ZFHX3: variants seen among roughly 807,000 people sequenced by gnomAD.
The protein encoded by ZFHX3 is zinc finger homeobox 3, also known as zinc finger homeobox protein 3.
A neutral mutation model predicts 279.1 loss-of-function variants in ZFHX3; 42 were observed. The observed-to-expected ratio is 0.15, with a 90% CI of 0.12 to 0.19. The LOEUF is 0.19. Among genes scored for constraint, ZFHX3 ranks in the 10% least tolerant of loss-of-function variants. The pLI is 1.00. For synonymous variants in ZFHX3, 2,293 were observed against 1,957.8 expected (o/e 1.17, Z -4.52); for missense variants, 4,981 against 4,754.0 (o/e 1.05, Z -1.40).
At position 73,508,633 on chromosome 16, in the gene ZFHX3, A is replaced by G. The variant is rs539479855; in HGVS notation, c.-1546-52375T>C. 3.3e-5 allele frequency among the ~76,000 whole-genome samples: 5 copies of G among 152,318 alleles called. No individual in the cohort carries two copies. The East Asian group carries it at 7.7e-4, about 23-fold the overall frequency. On this transcript the variant is annotated intron_variant, in intron 2 of 17. Transcript: ENST00000641206. ...TTTGGACAACTCTGAATCATACTCA[A>G]TTGATTCTCCATCATCCAACAAGCC...
intron 6 of ZFHX3, among the ~76,000 whole-genome samples, chr16:73,138,583 C>A (rs1354902018): frequency 6.6e-6 from 1 of 152,186 alleles, no homozygotes; most frequent in Non-Finnish European, 1.5e-5. Flanking sequence ...CTCTTACCCT[C>A]CACTCCCCAT....
chr16:73,649,367 T>C (rs900824810), intron 2 of ZFHX3, among the ~76,000 whole-genome samples: 4 of 152,204 alleles, frequency 2.6e-5, no homozygotes, highest in Non-Finnish European at 5.9e-5. Context: ...CATTAAGGCA[T>C]GTGATACAGT....
intron 1 of ZFHX3, among the ~76,000 whole-genome samples, chr16:73,735,236 A>C (rs1275916427): frequency 1.3e-5 from 2 of 152,154 alleles, no homozygotes; most frequent in Non-Finnish European, 2.9e-5. Context: ...TTGGAATGAA[A>C]TCTTGTGAAG....
intron 5 of ZFHX3, among the ~76,000 whole-genome samples, chr16:73,218,534 C>T (rs911860786): frequency 1.3e-5 from 2 of 152,072 alleles, no homozygotes; most frequent in Non-Finnish European, 2.9e-5. Flanking sequence ...TTTGGGAGGC[C>T]GAGGCAGGCA....
intron 4 of ZFHX3, among the ~76,000 whole-genome samples, chr16:72,877,982 G>A (rs570701277): frequency 6.6e-6 from 1 of 151,990 alleles, no homozygotes; most frequent in African/African-American, 2.4e-5. Flanking sequence ...ATCACTTGAG[G>A]CCAGGAGTTC....
intron 5 of ZFHX3, among the ~76,000 whole-genome samples, chr16:72,815,680 C>A (rs2036584240): frequency 6.6e-6 from 1 of 152,158 alleles, no homozygotes; most frequent in Non-Finnish European, 1.5e-5. Context: ...AGACATGTCA[C>A]AATATACAAA....
chr16:72,957,100 G>A (rs894663351), intron 2 of ZFHX3, among the ~76,000 whole-genome samples: 2 of 152,148 alleles, frequency 1.3e-5, no homozygotes, highest in Non-Finnish European at 2.9e-5. Context: ...AAAGTTTTAG[G>A]TGATTATAGT....
chr16:73,250,205 C>T (rs746638852), intron 5 of ZFHX3, among the ~76,000 whole-genome samples: 20 of 152,214 alleles, frequency 1.3e-4, no homozygotes, highest in Admixed American at 5.2e-4. Flanking sequence ...AATGTATCCC[C>T]TGAGTACTAA....
chr16:73,765,032 A>G (rs1410398105), intron 1 of ZFHX3, among the ~76,000 whole-genome samples: 4 of 152,170 alleles, frequency 2.6e-5, no homozygotes, highest in Non-Finnish European at 1.5e-5. Context: ...TATTACCCCA[A>G]CTTTATTTCT....
intron 2 of ZFHX3, among the ~76,000 whole-genome samples, chr16:73,492,381 C>G (rs2143648424): frequency 6.6e-6 from 1 of 152,290 alleles, no homozygotes; most frequent in Admixed American, 6.5e-5. Flanking sequence ...GCTGTGTTGA[C>G]TGGAATCCAC....
At chr16:73,668,313 T>G (rs932557755) in intron 2 of ZFHX3, among the ~76,000 whole-genome samples, 1 of 152,198 alleles carries the variant, frequency 6.6e-6, no homozygotes, top group Admixed American at 6.5e-5. Context: ...TTTCTTTTTT[T>G]TTTTAATTAT....
chr16:72,830,580 T>C (rs2037038183), intron 4 of ZFHX3, among the ~76,000 whole-genome samples: 1 of 152,200 alleles, frequency 6.6e-6, no homozygotes, highest in Non-Finnish European at 1.5e-5. Context: ...GGTTTAAAAC[T>C]AATGCAGGAA....
intron 1 of ZFHX3, chr16:73,816,201 G>A (rs1272345751): frequency 1.3e-5 from 2 of 152,132 alleles, no homozygotes; most frequent in Non-Finnish European, 2.9e-5. Context: ...TTACATTGAA[G>A]TATCTGACTG....
chr16:73,438,275 A>T (rs535776665), intron 3 of ZFHX3, among the ~76,000 whole-genome samples: 20 of 152,356 alleles, frequency 1.3e-4, no homozygotes, highest in African/African-American at 4.8e-4. Flanking sequence ...AAGTCAGATT[A>T]ACAGCAAATG....
intron 5 of ZFHX3, among the ~76,000 whole-genome samples, chr16:72,825,870 G>A (rs925121368): frequency 2.6e-5 from 4 of 152,212 alleles, no homozygotes; most frequent in African/African-American, 9.7e-5. Context: ...ATAGCCATAT[G>A]TGGTAAATGA....
At chr16:73,789,673 G>A (rs933703179) in intron 1 of ZFHX3, among the ~76,000 whole-genome samples, 9 of 152,086 alleles carry the variant, frequency 5.9e-5, no homozygotes, top group African/African-American at 1.9e-4. Flanking sequence ...CAGAGGGGCA[G>A]ATATGTAATA....
chr16:73,106,261 G>A (rs1238165184), intron 7 of ZFHX3, among the ~76,000 whole-genome samples: 2 of 152,018 alleles, frequency 1.3e-5, no homozygotes, highest in Non-Finnish European at 2.9e-5. Context: ...TGGATGAATT[G>A]TAAAATAAGA....
At chr16:73,639,010 G>A (rs904199233) in intron 2 of ZFHX3, among the ~76,000 whole-genome samples, 1 of 152,158 alleles carries the variant, frequency 6.6e-6, no homozygotes, top group Non-Finnish European at 1.5e-5. Context: ...TTAGCATTGT[G>A]TTAGACTTCT....
Position 73,701,034 on chromosome 16 carries a change from T to A in ZFHX3, c.-1607-20794A>T, listed in dbSNP as rs75058535. Among the ~76,000 whole-genome samples, 1,216 of 152,212 alleles carry A rather than the reference T, an allele frequency of 8.0e-3. 39 individuals carry two copies. Among genetic ancestry groups the A allele is most frequent in the East Asian group, 0.059 (303 of 5,178 alleles). On this transcript the variant is annotated intron_variant, in intron 1 of 17. Coordinates refer to the ZFHX3 transcript ENST00000641206. ...ATTTATTTCACAACAGAATAACGAG[T>A]TTTATTCTGCAGCTTCTCTTCTGGT... is the stretch of plus-strand genomic sequence containing the variant.
Sources: gnomAD v4.1 joint callset for allele counts (sites outside exome capture counted in the v4.1 genomes callset) on GRCh38, gnomAD v4.1.1 for gene constraint, MANE v1.5 for transcripts, NCBI Gene and HGNC (gene_info 2026-07-23, HGNC 2026-07-21) for gene names.